The following LRRIQ1 variants were observed in gnomAD, a reference collection of about 807,000 sequenced individuals.
The protein encoded by LRRIQ1 is leucine-rich repeat- and IQ domain-containing protein 1.
In LRRIQ1, 210 loss-of-function variants were observed where a neutral mutation model predicts 211.9. The ratio of observed to expected loss-of-function variants is 0.99; its 90% CI spans 0.89 to 1.11. The LOEUF (loss-of-function observed/expected upper bound fraction) is 1.11. Ranked by LOEUF, LRRIQ1 falls within the 50% of genes most tolerant of loss-of-function variation. LRRIQ1 has a pLI of 0.00. For missense variants in LRRIQ1, 2,136 were observed against 1,939.5 expected, an observed-to-expected ratio of 1.10 and a Z score of -1.90; for synonymous variants, 699 against 650.1, an observed-to-expected ratio of 1.08 and a Z score of -1.14.
intron 1 of LRRIQ1, among the ~76,000 whole-genome samples, chr12:85,258,811 A>T (rs981334497): frequency 1.3e-5 from 2 of 152,020 alleles, no homozygotes; most frequent in Non-Finnish European, 2.9e-5. Flanking sequence ...ATATCCAGAC[A>T]CATAATGTTG....
At position 85,052,186 on chromosome 12, in the gene LRRIQ1, G is replaced by T; in HGVS notation, c.688G>T (p.Asp230Tyr). ...KLENIQKQEQ[D>Y]KMNDELYKEE... is the part of the protein sequence containing the mutation. The stretch of plus-strand genomic sequence containing the variant: ...ATTATCATATGTTCAGCAAGAACAG[G>T]ACAAGATGAATGATGAACTCTATAA... Residue 230 changes from aspartate (D) to tyrosine (Y), a missense_variant, in exon 7 of 27, where the codon GAC becomes TAC. Asp to Tyr is a radical substitution (Grantham distance 160). Transcript: ENST00000393217. The T allele has an allele frequency of 6.5e-7, 1 of 1,530,214 alleles. No individual in the cohort carries two copies. The highest frequency in any genetic ancestry group is 8.9e-7 in the Non-Finnish European group (1 of 1,123,310). The allele number at this position is 1,530,214 out of a possible 1,614,324, so 94.8% of individuals were successfully genotyped here.
In LRRIQ1 at chr12:85,123,957, A is replaced by G. The variant is rs572999060; in HGVS notation, c.3558-113A>G. ...AGAAATAATCTATAATGAATGTTGT[A>G]CTGAAGTTTAATATTCATTTGAGGC... On this transcript the variant is annotated intron_variant, in intron 16 of 26. Coordinates refer to ENST00000393217, the MANE Select transcript of LRRIQ1 (RefSeq NM_001079910.2). The G allele has an allele frequency of 6.2e-5, 42 of 673,766 alleles. No homozygotes were observed. The African/African-American group carries it at 7.1e-4, about 11-fold the overall frequency. The allele number at this position is 673,766 out of a possible 1,614,324, so 41.7% of individuals were successfully genotyped here.
At chr12:85,190,169 T>C (rs1302806955) in intron 24 of LRRIQ1, among the ~76,000 whole-genome samples, 1 of 143,762 alleles carries the variant, frequency 7.0e-6, no homozygotes, top group African/African-American at 2.5e-5. Flanking sequence ...CAATATATTA[T>C]GTATGATGTG....
chr12:85,244,179 A>G (rs1895606172), intron 26 of LRRIQ1, among the ~76,000 whole-genome samples: 1 of 151,600 alleles, frequency 6.6e-6, no homozygotes, highest in South Asian at 2.1e-4. Flanking sequence ...TTCAAAGGCA[A>G]TTTGAGATAA....
chr12:85,102,955 A>AT (rs1555207722), intron 13 of LRRIQ1, among the ~76,000 whole-genome samples: 46 of 119,384 alleles, frequency 3.9e-4, no homozygotes, highest in African/African-American at 1.3e-3. Context: ...AAAAAAAAAA[A>AT]AAAAATATAT....
intron 11 of LRRIQ1, among the ~76,000 whole-genome samples, chr12:85,083,158 A>C (rs1028743477): frequency 2.6e-5 from 4 of 152,150 alleles, no homozygotes; most frequent in African/African-American, 9.7e-5. Context: ...CCTTAGGTGC[A>C]TTTTGAATTT....
At chr12:85,249,687 T>C (rs893069387), downstream of LRRIQ1, among the ~76,000 whole-genome samples, 4 of 151,924 alleles carry the variant, frequency 2.6e-5, no homozygotes, top group Non-Finnish European at 5.9e-5. Flanking sequence ...TCCTATATCA[T>C]GTGTTCCTAT....
At chr12:85,063,090 G>T (rs1205955696) in intron 8 of LRRIQ1, among the ~76,000 whole-genome samples, 1 of 151,654 alleles carries the variant, frequency 6.6e-6, no homozygotes, top group Admixed American at 6.6e-5. Flanking sequence ...TGTAGATGCT[G>T]CATATTATAT....
At chr12:85,243,162 T>C (rs1357159859) in intron 26 of LRRIQ1, among the ~76,000 whole-genome samples, 3 of 150,414 alleles carry the variant, frequency 2.0e-5, no homozygotes, top group African/African-American at 4.9e-5. Flanking sequence ...CTCTCCAAAA[T>C]TGTGGTATTG....
chr12:85,175,661 C>G (rs1051836373), intron 24 of LRRIQ1, among the ~76,000 whole-genome samples: 1 of 152,026 alleles, frequency 6.6e-6, no homozygotes, highest in South Asian at 2.1e-4. Flanking sequence ...AGTCTTTAAT[C>G]CATCTTGAAT....
intron 24 of LRRIQ1, among the ~76,000 whole-genome samples, chr12:85,203,308 G>A (rs1356197846): frequency 6.6e-6 from 1 of 152,130 alleles, no homozygotes; most frequent in African/African-American, 2.4e-5. Flanking sequence ...TCTTTCTTTT[G>A]TAAATTTCCC....
intron 15 of LRRIQ1, among the ~76,000 whole-genome samples, chr12:85,112,815 TTTAAC>T (rs1887282236): frequency 6.6e-6 from 1 of 152,110 alleles, no homozygotes; most frequent in Non-Finnish European, 1.5e-5. Flanking sequence ...GATAAGATCT[TTTAAC>T]TTACTATCTC....
At chr12:85,152,440 A>T (rs1419218086) in intron 20 of LRRIQ1, 71 bp downstream of exon 20, 6 of 1,127,192 alleles carry the variant, frequency 5.3e-6, no homozygotes, top group Middle Eastern at 2.1e-4. Flanking sequence ...TGTTGCAGTG[A>T]TTAATAATAC....
In LRRIQ1 at chr12:85,052,238, T is replaced by G. The variant is rs766982804; in HGVS notation, c.740T>G (p.Phe247Cys). The change falls in exon 7 of 27, where the codon TTT (phenylalanine) becomes TGT (cysteine). Residue 247 changes from phenylalanine (F) to cysteine (C), a missense_variant. Coordinates refer to ENST00000393217, the MANE Select transcript of LRRIQ1 (RefSeq NM_001079910.2). ...YKEEKIWKEKFKQHEEYIRNL... is the reference protein window; with the variant it reads ...YKEEKIWKEKCKQHEEYIRNL... ...GAAGAGAAAATTTGGAAAGAGAAAT[T>G]TAAACAGCATGAGGTATCTATTTGT... 4 of 1,523,422 alleles carry G rather than the reference T, an allele frequency of 2.6e-6. No homozygotes were observed. The East Asian group carries it at 7.0e-5, about 26-fold the overall frequency. 94.4% of individuals were successfully genotyped at this position (1,523,422 alleles called of 1,614,324 possible). A position where few individuals can be genotyped will look rare whatever the true frequency, so the allele number is the denominator to read the frequency against.
rs1294486095 is a variant in LRRIQ1 at position 85,083,391 on chromosome 12, C to T, written c.2887+10293C>T. Among the ~76,000 whole-genome samples, 3 of 151,450 alleles carry T rather than the reference C, an allele frequency of 2.0e-5. No homozygotes were observed. In the East Asian group the frequency reaches 5.8e-4, roughly 29 times the overall value. ...ATTTGCAGAGGTGAGGATGATCAGG[C>T]TATCTGAACAGAAATTTCTGAAAAT... On this transcript the variant is annotated intron_variant, in intron 11 of 26. Transcript: ENST00000393217.
intron 24 of LRRIQ1, among the ~76,000 whole-genome samples, chr12:85,197,908 TATA>T (rs1431204102): frequency 8.2e-6 from 1 of 122,450 alleles, no homozygotes; most frequent in Non-Finnish European, 1.6e-5. Context: ...TAATAAAATA[TATA>T]ATAAAAATAT....
intron 24 of LRRIQ1, among the ~76,000 whole-genome samples, chr12:85,183,890 A>G (rs1892108338): frequency 6.6e-6 from 1 of 152,092 alleles, no homozygotes; most frequent in African/African-American, 2.4e-5. Context: ...TTTATGTTCT[A>G]TGTAGACTTT....
At chr12:85,183,517 C>T (rs1892088224) in intron 24 of LRRIQ1, among the ~76,000 whole-genome samples, 1 of 151,884 alleles carries the variant, frequency 6.6e-6, no homozygotes, top group Non-Finnish European at 1.5e-5. Context: ...GTTTCATCAT[C>T]ATACCTAGAG....
In LRRIQ1 at chr12:85,056,893, A is replaced by C. The variant is rs764253553; in HGVS notation, c.2100A>C (p.Glu700Asp). The change falls in exon 8 of 27, where the codon GAA becomes GAC. Residue 700 changes from glutamate (E) to aspartate (D), a missense_variant. By Grantham distance (45) the Glu-to-Asp change is conservative. Transcript: ENST00000393217. ...CAGAAAGCTCCATGGTATCTAAAGA[A>C]GTCAACTCTCTTAAATCTGAGATTA... Reference protein sequence around the residue: ...YNAESSMVSKEVNSLKSEIRN... With the variant: ...YNAESSMVSKDVNSLKSEIRN... The C allele has an allele frequency of 6.2e-7, 1 of 1,613,354 alleles. No homozygotes were observed. Among genetic ancestry groups the C allele is most frequent in the African/African-American group, 1.3e-5 (1 of 74,880 alleles).
Sources: gnomAD v4.1 joint callset for allele counts (sites outside exome capture counted in the v4.1 genomes callset) on GRCh38, gnomAD v4.1.1 for gene constraint, MANE v1.5 for transcripts, NCBI Gene and HGNC (gene_info 2026-07-23, HGNC 2026-07-21) for gene names.